MALRD1: variants seen among roughly 807,000 people sequenced by gnomAD.
The protein encoded by MALRD1 is MAM and LDL receptor class A domain containing 1.
MALRD1 carries 247 observed loss-of-function variants against 242.1 expected under a neutral mutation model. The observed-to-expected ratio is 1.02, with a 90% CI of 0.92 to 1.13. The LOEUF (loss-of-function observed/expected upper bound fraction) is 1.13, where lower values mean the gene tolerates loss of function less well. MALRD1 is among the 50% of genes most tolerant of loss of function. The pLI is 0.00. For missense variants in MALRD1, 2,989 were observed against 2,533.1 expected (o/e 1.18, Z -3.86); for synonymous variants, 995 against 866.6 (o/e 1.15, Z -2.60).
intron 18 of MALRD1, among the ~76,000 whole-genome samples, chr10:19,238,505 TA>T (rs1168815902): frequency 5.6e-4 from 23 of 41,062 alleles, no homozygotes; most frequent in African/African-American, 2.7e-3. Context: ...TATAATATAA[TA>T]TATAATGTAT....
At chr10:19,561,309 G>A (rs181790287) in intron 32 of MALRD1, among the ~76,000 whole-genome samples, 46 of 152,222 alleles carry the variant, frequency 3.0e-4, no homozygotes, top group Admixed American at 2.7e-3. Context: ...CTGTTTCTGG[G>A]TGAAGTACTT....
intron 26 of MALRD1, among the ~76,000 whole-genome samples, chr10:19,364,264 T>C (rs1845020975): frequency 6.6e-6 from 1 of 152,154 alleles, no homozygotes; most frequent in African/African-American, 2.4e-5. Context: ...ACTGACATGA[T>C]TTAAATTTAT....
intron 13 of MALRD1, among the ~76,000 whole-genome samples, chr10:19,171,399 A>G (rs1834915872): frequency 6.9e-6 from 1 of 145,068 alleles, no homozygotes. Flanking sequence ...TCCGAAAGGG[A>G]ATTGGTCACA....
chr10:19,422,965 T>C (rs1485913996), intron 28 of MALRD1, among the ~76,000 whole-genome samples: 2 of 152,204 alleles, frequency 1.3e-5, no homozygotes, highest in Non-Finnish European at 2.9e-5. Flanking sequence ...ACTGCTCATA[T>C]CTACTGTTCT....
chr10:19,095,142 G>T (rs548194433), intron 4 of MALRD1, among the ~76,000 whole-genome samples: 10 of 152,212 alleles, frequency 6.6e-5, no homozygotes, highest in Non-Finnish European at 1.3e-4. Flanking sequence ...TAAATATAGA[G>T]ATTAAATTGG....
chr10:19,717,671 C>T (rs1362632688), intron 38 of MALRD1, among the ~76,000 whole-genome samples: 2 of 152,164 alleles, frequency 1.3e-5, no homozygotes, highest in African/African-American at 2.4e-5. Flanking sequence ...AGAGCCCACA[C>T]TTTGAAAACC....
At chr10:19,486,482 C>CATAT (rs1279709478) in intron 29 of MALRD1, among the ~76,000 whole-genome samples, 13 of 152,176 alleles carry the variant, frequency 8.5e-5, no homozygotes, top group Admixed American at 7.2e-4. Context: ...GTCTTCCATA[C>CATAT]ATATATAGCA....
At position 19,105,808 on chromosome 10, in the gene MALRD1, A is replaced by G. The variant is rs77688284; in HGVS notation, c.694+1733A>G. 6.3e-3 allele frequency among the ~76,000 whole-genome samples: 962 copies of G among 151,846 alleles called. 9 individuals are homozygous for G. Among genetic ancestry groups the G allele is most frequent in the African/African-American group, 0.02 (835 of 41,466 alleles). On this transcript the variant is annotated intron_variant, in intron 5 of 39. Transcript: ENST00000454679. Reference sequence around the variant, plus strand: ...ATGCTGATAATTTTTTTCATATTCTATTTATTGGTCATTTTTCTGAGAAAT... The same window carrying G: ...ATGCTGATAATTTTTTTCATATTCTGTTTATTGGTCATTTTTCTGAGAAAT...
At chr10:19,589,137 T>C (rs979068081) in intron 33 of MALRD1, among the ~76,000 whole-genome samples, 2 of 152,154 alleles carry the variant, frequency 1.3e-5, no homozygotes, top group Admixed American at 6.5e-5. Flanking sequence ...TCACATACAA[T>C]GTACAGACTG....
At chr10:19,648,154 G>T (rs750674628) in intron 36 of MALRD1, among the ~76,000 whole-genome samples, 4 of 152,176 alleles carry the variant, frequency 2.6e-5, no homozygotes, top group Non-Finnish European at 5.9e-5. Flanking sequence ...GAGAGAAACT[G>T]CTGTGGGGCA....
chr10:19,509,543 T>C (rs1381437374), intron 31 of MALRD1, among the ~76,000 whole-genome samples: 8 of 152,170 alleles, frequency 5.3e-5, no homozygotes, highest in Non-Finnish European at 1.0e-4. Flanking sequence ...TCTTGAGAGG[T>C]TGATGCAAAC....
intron 21 of MALRD1, among the ~76,000 whole-genome samples, chr10:19,310,004 G>A (rs996280020): frequency 5.3e-5 from 8 of 151,492 alleles, no homozygotes; most frequent in African/African-American, 1.5e-4. Context: ...CCCACAGTGA[G>A]TCAGGGAGGA....
chr10:19,531,055 G>A, intron 31 of MALRD1, 139 bp from the exon 32 acceptor site: 1 of 664,424 alleles, frequency 1.5e-6, no homozygotes, highest in Non-Finnish European at 2.3e-6. Flanking sequence ...ATTGATATAT[G>A]ACTCCCAAAA....
chr10:19,315,572 T>C (rs1444205827), intron 21 of MALRD1, among the ~76,000 whole-genome samples: 1 of 124,480 alleles, frequency 8.0e-6, no homozygotes, highest in Non-Finnish European at 1.6e-5. Context: ...TATATAAATA[T>C]ATAAATTATA....
intron 31 of MALRD1, among the ~76,000 whole-genome samples, chr10:19,507,622 G>C (rs989584928): frequency 4.6e-5 from 7 of 151,954 alleles, no homozygotes; most frequent in African/African-American, 1.7e-4. Context: ...CAATACATTG[G>C]AATTTATTGT....
intron 11 of MALRD1, among the ~76,000 whole-genome samples, chr10:19,148,788 A>AAAAATATATATATATATATATATATAT (rs1206724666): frequency 9.1e-5 from 8 of 87,996 alleles, no homozygotes; most frequent in Non-Finnish European, 1.5e-4. Context: ...AAAAAAAAAA[A>AAAAATATATATATATATATATATATAT]ATATATATAT....
chr10:19,069,850 G>C (rs923569351), intron 2 of MALRD1, among the ~76,000 whole-genome samples: 2 of 150,958 alleles, frequency 1.3e-5, no homozygotes, highest in African/African-American at 2.4e-5. Flanking sequence ...AAATTTTATC[G>C]TACTTATGTT....
chr10:19,210,777 C>G (rs973528612), intron 18 of MALRD1, among the ~76,000 whole-genome samples: 2 of 152,092 alleles, frequency 1.3e-5, no homozygotes, highest in Non-Finnish European at 2.9e-5. Flanking sequence ...AGATATAAAC[C>G]GAAAGCATGA....
At chr10:19,084,062 A>T (rs573227219) in intron 2 of MALRD1, among the ~76,000 whole-genome samples, 1 of 152,136 alleles carries the variant, frequency 6.6e-6, no homozygotes, top group East Asian at 1.9e-4. Context: ...AGTCAGACAT[A>T]AGTTGATATG....
Sources: allele counts gnomAD v4.1 joint callset (sites outside exome capture counted in the v4.1 genomes callset), GRCh38; gene constraint gnomAD v4.1.1; transcripts MANE v1.5; gene names NCBI Gene and HGNC (gene_info 2026-07-23, HGNC 2026-07-21).